The following TRAF3IP3 variants were observed in gnomAD, a reference collection of about 807,000 sequenced individuals.
TRAF3IP3 encodes TRAF3-interacting JNK-activating modulator.
In TRAF3IP3, 64 loss-of-function variants were observed where a neutral mutation model predicts 86.5. The observed-to-expected ratio is 0.74, with a 90% CI of 0.60 to 0.91. The LOEUF (loss-of-function observed/expected upper bound fraction) is 0.91. Ranked by LOEUF, TRAF3IP3 falls within the 40% of genes least tolerant of loss-of-function variation. The probability of loss-of-function intolerance (pLI) is 0.00; values close to 1 mark genes in which losing one functional copy is unlikely to be tolerated. For missense variants in TRAF3IP3, 579 were observed against 642.9 expected (o/e 0.90, Z 1.07); for synonymous variants, 220 against 243.9 (o/e 0.90, Z 0.91).
At chr1:209,757,031 G>T (rs1179657846) in intron 1 of TRAF3IP3, among the ~76,000 whole-genome samples, 1 of 152,194 alleles carries the variant, frequency 6.6e-6, no homozygotes, top group East Asian at 1.9e-4. Context: ...ACCCCTGTCA[G>T]CCGTCCCACA....
At chr1:209,765,233 GGAAGGAAGGA>G (rs2077330270) in intron 8 of TRAF3IP3, among the ~76,000 whole-genome samples, 2 of 88,038 alleles carry the variant, frequency 2.3e-5, no homozygotes, top group Admixed American at 1.1e-4. Flanking sequence ...GAGAGAGGAA[GGAAGGAAGGA>G]AGGAAGGAAG....
chr1:209,771,945 G>T (rs1348314746), intron 8 of TRAF3IP3, among the ~76,000 whole-genome samples: 3 of 141,844 alleles, frequency 2.1e-5, no homozygotes, highest in Non-Finnish European at 3.1e-5. Flanking sequence ...GCAGGTGTGC[G>T]TGTGCATGTG....
rs751004054 is a variant in TRAF3IP3 at position 209,777,359 on chromosome 1, A to G, written c.1061A>G (p.Asp354Gly). Residue 354 changes from aspartate (D) to glycine (G), a missense_variant, in exon 12 of 17, where the codon GAT becomes GGT. Asp to Gly is a moderately conservative substitution (Grantham distance 94). Transcript: ENST00000367025. The stretch of plus-strand genomic sequence containing the variant: ...CCTTCCTCCTCCTTACAGGGAGCAG[A>G]TAGCAGGGACTTACAGATGAACCAG... ...HVLQSKLQGA[D>G]SRDLQMNQAL... is the part of the protein sequence containing the mutation. 7.4e-6 allele frequency: 12 copies of G among 1,613,682 alleles called. No homozygotes were observed. In the African/African-American group the frequency reaches 1.5e-4, roughly 20 times the overall value.
intron 8 of TRAF3IP3, among the ~76,000 whole-genome samples, chr1:209,767,744 G>A (rs193188589): frequency 2.4e-3 from 366 of 151,876 alleles, no homozygotes; most frequent in Non-Finnish European, 4.0e-3. Context: ...CTGGCTCCAA[G>A]CAGGGGTTGG....
chr1:209,782,086 A>C lies in TRAF3IP3; in HGVS notation c.1594A>C (p.Met532Leu). 6.2e-7 allele frequency: 1 copy of C among 1,614,078 alleles called. No homozygotes were observed. Among genetic ancestry groups the C allele is most frequent in the South Asian group, 1.1e-5 (1 of 91,068 alleles). ...RQCGRWLPVL[M>L]VVIAAALAVF... is the part of the protein sequence containing the mutation. ...ATGTGGGCGATGGCTCCCAGTGCTG[A>C]TGGTGGTGATTGCTGCAGCACTGGC... The change falls in exon 17 of 17, where the codon ATG (methionine) becomes CTG (leucine). Residue 532 changes from methionine (M) to leucine (L), a missense_variant. Physicochemically the swap from Met to Leu is conservative, Grantham distance 15. Coordinates refer to ENST00000367025, the MANE Select transcript of TRAF3IP3 (RefSeq NM_025228.4).
intron 3 of TRAF3IP3, among the ~76,000 whole-genome samples, chr1:209,762,250 G>A (rs554776326): frequency 4.3e-4 from 65 of 152,308 alleles, no homozygotes; most frequent in African/African-American, 1.5e-3. Flanking sequence ...GAGAGAGAAA[G>A]CAAGCTCTCT....
At chr1:209,765,231 A>G (rs369457988) in intron 8 of TRAF3IP3, among the ~76,000 whole-genome samples, 143 of 39,624 alleles carry the variant, frequency 3.6e-3, no homozygotes, top group East Asian at 0.027. Flanking sequence ...GAGAGAGAGG[A>G]AGGAAGGAAG....
rs1367702250 is a variant in TRAF3IP3 at position 209,775,698 on chromosome 1, C to G, written c.1015C>G (p.Leu339Val). 6.2e-7 allele frequency: 1 copy of G among 1,613,712 alleles called. No homozygotes were observed. The highest frequency in any genetic ancestry group is 1.3e-5 in the African/African-American group (1 of 74,924). The change falls in exon 11 of 17, where the codon CTG becomes GTG. Residue 339 changes from leucine to valine, a missense_variant. Transcript: ENST00000367025. ...GACCCTTGGGACCCAGCACAGGGAGCTGGAGAGCCAACTCCACGTGCTTCA... is the reference window on the plus strand; with the variant it reads ...GACCCTTGGGACCCAGCACAGGGAGGTGGAGAGCCAACTCCACGTGCTTCA... ...WRTLGTQHRE[L>V]ESQLHVLQSK... is the part of the protein sequence containing the mutation.
At chr1:209,771,514 G>GGT (rs796284193) in intron 8 of TRAF3IP3, among the ~76,000 whole-genome samples, 2 of 129,734 alleles carry the variant, frequency 1.5e-5, no homozygotes, top group African/African-American at 3.0e-5. Flanking sequence ...TGTGTGTGAA[G>GGT]GTGTGTGTGT....
At chr1:209,771,162 TGCATGTGGAGGTGTGCGTGC>T (rs2077500517) in intron 8 of TRAF3IP3, among the ~76,000 whole-genome samples, 2 of 139,048 alleles carry the variant, frequency 1.4e-5, no homozygotes, top group Non-Finnish European at 3.1e-5. Context: ...GAAGGTTGTG[TGCATGTGGAGGTGTGCGTGC>T]GCATGTGGAG....
At chr1:209,779,679 C>G in intron 14 of TRAF3IP3, 1 of 600,326 alleles carries the variant, frequency 1.7e-6, no homozygotes, top group South Asian at 2.0e-5. Context: ...TTTTTACACA[C>G]TTGATTTTCC....
At chr1:209,763,638 C>G (rs1442343371) in intron 8 of TRAF3IP3, 51 bp downstream of exon 8, 1 of 1,452,328 alleles carries the variant, frequency 6.9e-7, no homozygotes, top group South Asian at 1.2e-5. Context: ...TATGTGTTCC[C>G]ATCTCATTTT....
intron 8 of TRAF3IP3, among the ~76,000 whole-genome samples, chr1:209,769,873 G>T (rs1212366002): frequency 1.3e-5 from 2 of 152,128 alleles, no homozygotes; most frequent in African/African-American, 4.8e-5. Flanking sequence ...TAGGAAAACC[G>T]GTCACTGCCC....
chr1:209,760,866 T>G (rs2077234382), intron 3 of TRAF3IP3, among the ~76,000 whole-genome samples: 1 of 152,070 alleles, frequency 6.6e-6, no homozygotes, highest in Non-Finnish European at 1.5e-5. Context: ...CCCAGGAGTT[T>G]GAAGCTGCAA....
Position 209,775,599 on chromosome 1 carries a change from C to T in TRAF3IP3, c.916C>T (p.Arg306Ter). The T allele has an allele frequency of 1.9e-6, 3 of 1,614,084 alleles. No homozygotes were observed. The highest frequency in any genetic ancestry group is 1.1e-5 in the South Asian group (1 of 91,072). The part of the protein sequence containing the change: ...NAEQQLQSTQ[R>*]SLALAEQKCE... ...CCCTCTCCTCTCTGATCTCCCTCAG[C>T]GATCCCTGGCCCTGGCAGAGCAGAA... Residue 306 changes from arginine (R) to a stop codon, truncating the protein, a stop_gained and splice_region_variant, in exon 11 of 17, where the codon CGA (arginine) becomes TGA (stop). Transcript: ENST00000367025. LOFTEE classifies it high-confidence loss of function.
chr1:209,779,385 T>C lies in TRAF3IP3; in HGVS notation c.1312+11T>C, dbSNP rs779321272. 1.9e-6 allele frequency: 3 copies of C among 1,610,968 alleles called. No individual in the cohort carries two copies. Among genetic ancestry groups the C allele is most frequent in the Non-Finnish European group, 2.5e-6 (3 of 1,177,120 alleles). On this transcript the variant is annotated intron_variant, in intron 14 of 16. Coordinates refer to ENST00000367025, the MANE Select transcript of TRAF3IP3 (RefSeq NM_025228.4). ...TCTTAACAAAGAAAGGTCAGCAAAT[T>C]TATTACCACAAATTCTAAGATATTG...
chr1:209,763,328 C>G (rs7536882), intron 6 of TRAF3IP3, 35 bp from the exon 7 acceptor site: 409,649 of 1,607,662 alleles, frequency 0.25, 60,298 homozygotes, highest in African/African-American at 0.67. Flanking sequence ...AGGGGACTTA[C>G]AGACATTTTG....
chr1:209,771,428 GGT>G (rs2077517110), intron 8 of TRAF3IP3, among the ~76,000 whole-genome samples: 1 of 106,814 alleles, frequency 9.4e-6, no homozygotes, highest in East Asian at 3.1e-4. Context: ...TGCAGGTGGA[GGT>G]GTGTGCATGT....
intron 14 of TRAF3IP3, 197 bp from the exon 15 acceptor site, chr1:209,780,273 C>A: frequency 2.4e-6 from 1 of 418,564 alleles, no homozygotes; most frequent in Non-Finnish European, 4.2e-6. Flanking sequence ...TCAAGGAGCT[C>A]AGATTCCAGC....
Sources: allele counts gnomAD v4.1 joint callset (sites outside exome capture counted in the v4.1 genomes callset), GRCh38; gene constraint gnomAD v4.1.1; transcripts MANE v1.5; gene names NCBI Gene and HGNC (gene_info 2026-07-23, HGNC 2026-07-21).